EXOC4: variants seen among roughly 807,000 people sequenced by gnomAD.
The protein encoded by EXOC4 is exocyst complex component 4, also known as SEC8-like 1.
EXOC4 carries 71 observed loss-of-function variants against 107.2 expected under a neutral mutation model. That is an observed-to-expected ratio of 0.66 (90% CI 0.55 to 0.81). The LOEUF (loss-of-function observed/expected upper bound fraction) is 0.81, where lower values mean the gene tolerates loss of function less well. EXOC4 is among the 30% of genes least tolerant of loss of function. EXOC4 has a pLI of 0.00. For synonymous variants in EXOC4, 456 were observed against 441.2 expected (o/e 1.03, Z -0.42); for missense variants, 1,108 against 1,189.6 (o/e 0.93, Z 1.01).
intron 10 of EXOC4, among the ~76,000 whole-genome samples, chr7:133,709,223 G>A (rs1794831732): frequency 6.6e-6 from 1 of 152,194 alleles, no homozygotes; most frequent in East Asian, 1.9e-4. Flanking sequence ...TGTCTGCCAA[G>A]GTGGACATTG....
chr7:133,976,618 G>A (rs1277494099), intron 14 of EXOC4, among the ~76,000 whole-genome samples: 2 of 152,154 alleles, frequency 1.3e-5, no homozygotes, highest in African/African-American at 4.8e-5. Context: ...TCACAAGAGG[G>A]AGAAAAACTA....
chr7:133,624,631 C>G (rs751421998), intron 9 of EXOC4, among the ~76,000 whole-genome samples: 5 of 152,002 alleles, frequency 3.3e-5, no homozygotes, highest in African/African-American at 1.2e-4. Context: ...CTCGCTCTGT[C>G]GGCCAGGTTG....
At chr7:133,951,578 C>A (rs1174680381) in intron 14 of EXOC4, among the ~76,000 whole-genome samples, 1 of 152,176 alleles carries the variant, frequency 6.6e-6, no homozygotes, top group Non-Finnish European at 1.5e-5. Context: ...CTGTTTATTT[C>A]CCCCTACTCC....
chr7:134,003,826 A>G (rs543197325), intron 15 of EXOC4, among the ~76,000 whole-genome samples: 60 of 152,070 alleles, frequency 3.9e-4, no homozygotes, highest in Non-Finnish European at 6.6e-4. Flanking sequence ...CACTTTGATT[A>G]CAACTTTAAA....
Position 133,738,741 on chromosome 7 carries a change from T to G in EXOC4, c.1515-78584T>G, listed in dbSNP as rs567867376. ...TTAGCTTCTTCTAATTTGAAGATAA[T>G]GTTACATCTCCAAGGATACTGCAGA... On this transcript the variant is annotated intron_variant, in intron 10 of 17. Transcript: ENST00000253861. 2.4e-3 allele frequency among the ~76,000 whole-genome samples: 360 copies of G among 152,344 alleles called. 2 individuals are homozygous for G. The highest frequency in any genetic ancestry group is 4.6e-3 in the Non-Finnish European group (311 of 68,026).
At position 133,558,201 on chromosome 7, in the gene EXOC4, C is replaced by CTTTTCTTTTCTTTTT. The variant is rs1255650484; in HGVS notation, c.1418-71830_1418-71829insTTTTTCTTTTCTTTT. ...ATTTTGGTTCCTTCTCTTTTCTTTT[C>CTTTTCTTTTCTTTTT]TTTTCTTTTCTTTTCTTTTCTTTTC... On this transcript the variant is annotated intron_variant, in intron 9 of 17. Transcript: ENST00000253861. Among the ~76,000 whole-genome samples the CTTTTCTTTTCTTTTT allele has an allele frequency of 1.8e-3, 230 of 125,834 alleles. 1 individual carries two copies. The highest frequency in any genetic ancestry group is 7.6e-3 in the African/African-American group (212 of 27,882). 82.6% of individuals were successfully genotyped at this position (125,834 alleles called of 152,430 possible). A position where few individuals can be genotyped will look rare whatever the true frequency, so the allele number is the denominator to read the frequency against.
At chr7:133,569,699 G>T (rs1800979124) in intron 9 of EXOC4, among the ~76,000 whole-genome samples, 1 of 152,130 alleles carries the variant, frequency 6.6e-6, no homozygotes, top group African/African-American at 2.4e-5. Context: ...TGTTTCCAGA[G>T]AACCAAAAGA....
chr7:133,495,183 C>T (rs1210470985), intron 9 of EXOC4, among the ~76,000 whole-genome samples: 1 of 151,366 alleles, frequency 6.6e-6, no homozygotes, highest in Non-Finnish European at 1.5e-5. Flanking sequence ...GGCTGGGAAA[C>T]GGAGATTGCA....
intron 7 of EXOC4, among the ~76,000 whole-genome samples, chr7:133,389,146 T>A (rs1243905334): frequency 6.6e-6 from 1 of 152,104 alleles, no homozygotes; most frequent in Non-Finnish European, 1.5e-5. Flanking sequence ...GAGCTGCGAA[T>A]TAGAAGGCAG....
chr7:133,458,256 A>T (rs1229119287), intron 7 of EXOC4, among the ~76,000 whole-genome samples: 1 of 152,094 alleles, frequency 6.6e-6, no homozygotes, highest in African/African-American at 2.4e-5. Context: ...TAAGGACCTG[A>T]CTCTGGGGGT....
At chr7:133,253,356 T>G in intron 1 of EXOC4, 169 bp downstream of exon 1, 3 of 1,396,720 alleles carry the variant, frequency 2.1e-6, no homozygotes, top group South Asian at 1.7e-5. Flanking sequence ...CAATTCCCCC[T>G]CCACCTTTTT....
intron 11 of EXOC4, among the ~76,000 whole-genome samples, chr7:133,882,100 G>GTA (rs1201057003): frequency 3.3e-5 from 5 of 152,296 alleles, no homozygotes; most frequent in Admixed American, 2.6e-4. Context: ...AGACCAAACA[G>GTA]TATATATCTT....
At chr7:134,040,138 C>T (rs1795480966) in intron 17 of EXOC4, among the ~76,000 whole-genome samples, 1 of 152,192 alleles carries the variant, frequency 6.6e-6, no homozygotes, top group Admixed American at 6.5e-5. Context: ...ATGTTCATGT[C>T]TCTTGGTCTC....
At chr7:133,544,319 T>G (rs1800438088) in intron 9 of EXOC4, among the ~76,000 whole-genome samples, 1 of 152,186 alleles carries the variant, frequency 6.6e-6, no homozygotes, top group Non-Finnish European at 1.5e-5. Flanking sequence ...GTCTTCCTTT[T>G]AGTTGCCTAA....
intron 17 of EXOC4, among the ~76,000 whole-genome samples, chr7:134,036,986 A>G (rs138611071): frequency 6.6e-6 from 1 of 152,336 alleles, no homozygotes; most frequent in South Asian, 2.1e-4. Flanking sequence ...GAGATTAGTG[A>G]TTATTTATTC....
At chr7:133,330,543 C>T (rs1262441901) in intron 5 of EXOC4, among the ~76,000 whole-genome samples, 2 of 152,088 alleles carry the variant, frequency 1.3e-5, no homozygotes, top group South Asian at 2.1e-4. Context: ...AAATCCAGGG[C>T]CCTGGTGGTG....
chr7:133,274,283 A>C (rs1384426962), intron 1 of EXOC4, among the ~76,000 whole-genome samples: 1 of 152,212 alleles, frequency 6.6e-6, no homozygotes, highest in African/African-American at 2.4e-5. Context: ...AGGTCATTCA[A>C]ATGAGCTTTT....
At chr7:133,633,879 T>C (rs1802646906) in intron 10 of EXOC4, among the ~76,000 whole-genome samples, 1 of 152,182 alleles carries the variant, frequency 6.6e-6, no homozygotes, top group Non-Finnish European at 1.5e-5. Flanking sequence ...CGTAGGTCCT[T>C]CACTTTCCTT....
chr7:133,403,179 G>A (rs556382376), intron 7 of EXOC4, among the ~76,000 whole-genome samples: 27 of 152,242 alleles, frequency 1.8e-4, no homozygotes, highest in Admixed American at 9.8e-4. Context: ...CATCGTGCCC[G>A]GCTGCAAGAT....
Sources: gnomAD v4.1 joint callset for allele counts (sites outside exome capture counted in the v4.1 genomes callset) on GRCh38, gnomAD v4.1.1 for gene constraint, MANE v1.5 for transcripts, NCBI Gene and HGNC (gene_info 2026-07-23, HGNC 2026-07-21) for gene names.